Variants in MCEMP1 observed in about 807,000 individuals in gnomAD.
The protein encoded by MCEMP1 is mast cell-expressed membrane protein 1.
In MCEMP1, 17 loss-of-function variants were observed where a neutral mutation model predicts 27.9. The observed-to-expected ratio is 0.61, with a 90% CI of 0.42 to 0.91. The LOEUF is 0.91. Ranked by LOEUF, MCEMP1 falls within the 40% of genes least tolerant of loss-of-function variation. The pLI is 0.00. For synonymous variants in MCEMP1, 88 were observed against 76.9 expected (o/e 1.14, Z -0.76); for missense variants, 200 against 204.8 (o/e 0.98, Z 0.14).
Position 7,679,451 on chromosome 19 carries a change from G to A in MCEMP1, c.*337G>A. ...GAGTCACAGTGAATGTGGCATGCAT[G>A]CCTGTGTCATGTGACATATGTGAGT... On this transcript the variant is annotated 3_prime_UTR_variant, in exon 7 of 7. Transcript: ENST00000333598. The surrounding 1 kb of genome is among the most constrained non-coding windows in gnomAD (Gnocchi z 4.9). 2.9e-6 allele frequency: 1 copy of A among 343,590 alleles called. No individual in the cohort carries two copies. The highest frequency in any genetic ancestry group is 5.3e-6 in the Non-Finnish European group (1 of 188,598). 21.3% of individuals were successfully genotyped at this position (343,590 alleles called of 1,614,324 possible).
chr19:7,677,628 C>G lies in MCEMP1; in HGVS notation c.56-9C>G. ...ACAGAGCTCTGAGCAGATCTCCAACCCCTCCCAGGTGCCCATGACCCAGAC... is the reference window on the plus strand; with the variant it reads ...ACAGAGCTCTGAGCAGATCTCCAACGCCTCCCAGGTGCCCATGACCCAGAC... On this transcript the variant is annotated splice_polypyrimidine_tract_variant and intron_variant, in intron 1 of 6. Coordinates refer to ENST00000333598, the MANE Select transcript of MCEMP1 (RefSeq NM_174918.3). This position sits in a 1 kb window ranked among gnomAD's most constrained non-coding sequence, Gnocchi z 4.6. The G allele has an allele frequency of 6.2e-7, 1 of 1,610,664 alleles. No homozygotes were observed. The highest frequency in any genetic ancestry group is 1.1e-5 in the South Asian group (1 of 91,008).
Position 7,677,231 on chromosome 19 carries a change from G to C in MCEMP1, c.55+56G>C. 6.8e-7 allele frequency: 1 copy of C among 1,475,986 alleles called. No individual in the cohort carries two copies. The highest frequency in any genetic ancestry group is 1.2e-5 in the South Asian group (1 of 82,384). 91.4% of individuals were successfully genotyped at this position (1,475,986 alleles called of 1,614,324 possible). On this transcript the variant is annotated intron_variant, in intron 1 of 6. Transcript: ENST00000333598. The surrounding 1 kb of genome is among the most constrained non-coding windows in gnomAD (Gnocchi z 4.6). Reference sequence around the variant, plus strand: ...TAAGAAGGAGAGATTGGGGGGCCGGGGGCTTTTGCTCATGTCTGTAATCCT... The same window carrying C: ...TAAGAAGGAGAGATTGGGGGGCCGGCGGCTTTTGCTCATGTCTGTAATCCT...
At position 7,677,653 on chromosome 19, in the gene MCEMP1, C is replaced by A; in HGVS notation, c.72C>A (p.Asp24Glu). Residue 24 changes from aspartate (D) to glutamate (E), a missense_variant, in exon 2 of 7, where the codon GAC becomes GAA. Asp to Glu is a conservative substitution (Grantham distance 45). Coordinates refer to ENST00000333598, the MANE Select transcript of MCEMP1 (RefSeq NM_174918.3). This position sits in a 1 kb window ranked among gnomAD's most constrained non-coding sequence, Gnocchi z 4.6. The part of the protein sequence containing the change: ...SAKNQGAHDP[D>E]YENITLAFKN... ...CCCTCCCAGGTGCCCATGACCCAGACTATGAGAATATCACCTTGGCCTTCA... is the reference window on the plus strand; with the variant it reads ...CCCTCCCAGGTGCCCATGACCCAGAATATGAGAATATCACCTTGGCCTTCA... 1 of 1,614,060 alleles carries A rather than the reference C, an allele frequency of 6.2e-7. No individual in the cohort carries two copies. Among genetic ancestry groups the A allele is most frequent in the Non-Finnish European group, 8.5e-7 (1 of 1,179,902 alleles).
In MCEMP1 at chr19:7,678,941, A is replaced by G; in HGVS notation, c.466A>G (p.Thr156Ala). 5.1e-6 allele frequency: 8 copies of G among 1,578,546 alleles called. No individual in the cohort carries two copies. The highest frequency in any genetic ancestry group is 6.9e-6 in the Non-Finnish European group (8 of 1,160,590). The change falls in exon 6 of 7, where the codon ACA (threonine) becomes GCA (alanine). Residue 156 changes from threonine to alanine, a missense_variant. Transcript: ENST00000333598. The surrounding 1 kb of genome is among the most constrained non-coding windows in gnomAD (Gnocchi z 4.8). ...TTLAGIKNID[T>A]KVQKILEVLQ... is the part of the protein sequence containing the mutation. ...CCCCCTAGGCATAAAAAACATTGAC[A>G]CAAAGGTACAGAAAATCTTGGAGGT...
chr19:7,677,091 G>C lies in MCEMP1; in HGVS notation c.-30G>C. 1 of 1,596,958 alleles carries C rather than the reference G, an allele frequency of 6.3e-7. No homozygotes were observed. The highest frequency in any genetic ancestry group is 1.1e-5 in the South Asian group (1 of 88,512). On this transcript the variant is annotated 5_prime_UTR_variant, in exon 1 of 7. Transcript: ENST00000333598. This position sits in a 1 kb window ranked among gnomAD's most constrained non-coding sequence, Gnocchi z 4.6. ...TTGCGGGCTGGGGACCATGGAAGTG[G>C]AGGAAATCTACAAGCACCAGGAAGT...
chr19:7,677,600 A>T lies in MCEMP1; in HGVS notation c.56-37A>T, dbSNP rs778669033. ...ACAAGATCCCGGATCCACTCTCCACACCACAGAGCTCTGAGCAGATCTCCA... is the reference window on the plus strand; with the variant it reads ...ACAAGATCCCGGATCCACTCTCCACTCCACAGAGCTCTGAGCAGATCTCCA... On this transcript the variant is annotated intron_variant, in intron 1 of 6. Transcript: ENST00000333598. This position sits in a 1 kb window ranked among gnomAD's most constrained non-coding sequence, Gnocchi z 4.6. The T allele has an allele frequency of 6.4e-7, 1 of 1,559,034 alleles. No homozygotes were observed. Among genetic ancestry groups the T allele is most frequent in the Non-Finnish European group, 8.8e-7 (1 of 1,129,986 alleles).
rs368773876 is a variant in MCEMP1, at chr19:7,678,408, G to C, written c.334+8G>C. Reference sequence around the variant, plus strand: ...AAAGGGAGCTTTGGAATGGTGAGCGGAGGGTCTGAGGGAGACCCGTGGGGT... The same window carrying C: ...AAAGGGAGCTTTGGAATGGTGAGCGCAGGGTCTGAGGGAGACCCGTGGGGT... On this transcript the variant is annotated splice_region_variant and intron_variant, in intron 4 of 6. Coordinates refer to ENST00000333598, the MANE Select transcript of MCEMP1 (RefSeq NM_174918.3). This position sits in a 1 kb window ranked among gnomAD's most constrained non-coding sequence, Gnocchi z 4.8. The C allele has an allele frequency of 9.3e-6, 15 of 1,613,988 alleles. No individual in the cohort carries two copies. Among genetic ancestry groups the C allele is most frequent in the Non-Finnish European group, 1.2e-5 (14 of 1,180,024 alleles).
chr19:7,677,487 C>A lies in MCEMP1; in HGVS notation c.56-150C>A, dbSNP rs1329113347. On this transcript the variant is annotated intron_variant, in intron 1 of 6. Coordinates refer to ENST00000333598, the MANE Select transcript of MCEMP1 (RefSeq NM_174918.3). This position sits in a 1 kb window ranked among gnomAD's most constrained non-coding sequence, Gnocchi z 4.6. ...GTGATCACTCAAACTCTCACACACC[C>A]GCTCCACTTAACCAAAAAGCAGATT... 6.6e-6 allele frequency: 5 copies of A among 761,750 alleles called. No homozygotes were observed. Among genetic ancestry groups the A allele is most frequent in the East Asian group, 2.6e-5 (1 of 37,852 alleles). The allele number at this position is 761,750 out of a possible 1,614,324, so 47.2% of individuals were successfully genotyped here. A position where few individuals can be genotyped will look rare whatever the true frequency, so the allele number is the denominator to read the frequency against.
At position 7,678,832 on chromosome 19, in the gene MCEMP1, G is replaced by C; in HGVS notation, c.449-92G>C. The C allele has an allele frequency of 7.7e-7, 1 of 1,292,146 alleles. No homozygotes were observed. The highest frequency in any genetic ancestry group is 1.1e-6 in the Non-Finnish European group (1 of 931,280). The allele number at this position is 1,292,146 out of a possible 1,614,324, so 80.0% of individuals were successfully genotyped here. ...TGTACCCCAGGGTGGGTGTGGGGCA[G>C]GGGGGGTGCTTCCAAGGAAGGTGGG... On this transcript the variant is annotated intron_variant, in intron 5 of 6. Coordinates refer to ENST00000333598, the MANE Select transcript of MCEMP1 (RefSeq NM_174918.3). The surrounding 1 kb of genome is among the most constrained non-coding windows in gnomAD (Gnocchi z 4.8).
chr19:7,679,013 G>A lies in MCEMP1; in HGVS notation c.508+30G>A. On this transcript the variant is annotated intron_variant, in intron 6 of 6. Transcript: ENST00000333598. This position sits in a 1 kb window ranked among gnomAD's most constrained non-coding sequence, Gnocchi z 4.9. ...GTTGGCGCCCCGACAGGAGGTGGAG[G>A]AGGGTGGGTGGGGCTTCAGATTTAG... The A allele has an allele frequency of 1.2e-6, 2 of 1,600,054 alleles. No individual in the cohort carries two copies. Among genetic ancestry groups the A allele is most frequent in the Non-Finnish European group, 1.7e-6 (2 of 1,172,230 alleles).
chr19:7,677,890 G>A lies in MCEMP1; in HGVS notation c.145+164G>A, dbSNP rs2032570912. 4 of 1,019,988 alleles carry A rather than the reference G, an allele frequency of 3.9e-6. No homozygotes were observed. The Admixed American group carries it at 9.4e-5, about 24-fold the overall frequency. The allele number at this position is 1,019,988 out of a possible 1,614,324, so 63.2% of individuals were successfully genotyped here. ...AGGTCTGTTGATGATGACAATGTTG[G>A]GGAATGCTGGAGAGGGGGTCTGTGA... On this transcript the variant is annotated intron_variant, in intron 2 of 6. Coordinates refer to ENST00000333598, the MANE Select transcript of MCEMP1 (RefSeq NM_174918.3). This position sits in a 1 kb window ranked among gnomAD's most constrained non-coding sequence, Gnocchi z 4.6.
Position 7,677,881 on chromosome 19 carries a change from A to G in MCEMP1, c.145+155A>G, listed in dbSNP as rs79603624. Reference sequence around the variant, plus strand: ...GTGCTAATGAGGTCTGTTGATGATGACAATGTTGGGGAATGCTGGAGAGGG... The same window carrying G: ...GTGCTAATGAGGTCTGTTGATGATGGCAATGTTGGGGAATGCTGGAGAGGG... On this transcript the variant is annotated intron_variant, in intron 2 of 6. Coordinates refer to ENST00000333598, the MANE Select transcript of MCEMP1 (RefSeq NM_174918.3). This position sits in a 1 kb window ranked among gnomAD's most constrained non-coding sequence, Gnocchi z 4.6. The G allele has an allele frequency of 5.5e-3, 5,654 of 1,023,716 alleles. 20 individuals are homozygous for G. The highest frequency in any genetic ancestry group is 6.6e-3 in the Non-Finnish European group (4,519 of 688,492). The allele number at this position is 1,023,716 out of a possible 1,614,324, so 63.4% of individuals were successfully genotyped here.
rs941510067 is a variant in MCEMP1, at chr19:7,679,199, C to A, written c.*85C>A. 62 of 1,361,422 alleles carry A rather than the reference C, an allele frequency of 4.6e-5. 1 individual carries two copies. The highest frequency in any genetic ancestry group is 7.3e-5 in the Admixed American group (3 of 40,934). 84.3% of individuals were successfully genotyped at this position (1,361,422 alleles called of 1,614,324 possible). ...CGAAGACGGGAAATGACCCCCCCCC[C>A]CCAGCCTAGTGTGAACCTGCCCCTC... On this transcript the variant is annotated 3_prime_UTR_variant, in exon 7 of 7. Transcript: ENST00000333598. The surrounding 1 kb of genome is among the most constrained non-coding windows in gnomAD (Gnocchi z 4.9).
Position 7,677,946 on chromosome 19 carries a change from T to C in MCEMP1, c.146-158T>C. 8.3e-7 allele frequency: 1 copy of C among 1,206,028 alleles called. No homozygotes were observed. The highest frequency in any genetic ancestry group is 2.3e-5 in the East Asian group (1 of 42,600). The allele number at this position is 1,206,028 out of a possible 1,614,324, so 74.7% of individuals were successfully genotyped here. On this transcript the variant is annotated intron_variant, in intron 2 of 6. Coordinates refer to ENST00000333598, the MANE Select transcript of MCEMP1 (RefSeq NM_174918.3). The surrounding 1 kb of genome is among the most constrained non-coding windows in gnomAD (Gnocchi z 4.6). The stretch of plus-strand genomic sequence containing the variant: ...ACGGTGTTAGATCGCTGAGGGTGGC[T>C]GGTGGTGGCAGTGTTGTTGACGATG...
chr19:7,678,801 C>A lies in MCEMP1; in HGVS notation c.449-123C>A. On this transcript the variant is annotated intron_variant, in intron 5 of 6. Transcript: ENST00000333598. This position sits in a 1 kb window ranked among gnomAD's most constrained non-coding sequence, Gnocchi z 4.8. ...CTCCTGGGAACCCCAAATCCATGGG[C>A]TCTGCTGTACCCCAGGGTGGGTGTG... The A allele has an allele frequency of 8.6e-7, 1 of 1,160,002 alleles. No homozygotes were observed. Among genetic ancestry groups the A allele is most frequent in the Non-Finnish European group, 1.2e-6 (1 of 815,694 alleles). 71.9% of individuals were successfully genotyped at this position (1,160,002 alleles called of 1,614,324 possible).
rs565627471 is a variant in MCEMP1 at position 7,679,312 on chromosome 19, G to A, written c.*198G>A. ...TGTACACCTGCGTGCGTGTGTGTGC[G>A]TGTGTGCGCGTGTGTTCGTGTATGT... On this transcript the variant is annotated 3_prime_UTR_variant, in exon 7 of 7. Transcript: ENST00000333598. The surrounding 1 kb of genome is among the most constrained non-coding windows in gnomAD (Gnocchi z 4.9). 29 of 645,676 alleles carry A rather than the reference G, an allele frequency of 4.5e-5. No individual in the cohort carries two copies. The highest frequency in any genetic ancestry group is 6.9e-5 in the Non-Finnish European group (26 of 376,462). The allele number at this position is 645,676 out of a possible 1,614,324, so 40.0% of individuals were successfully genotyped here.
At position 7,678,305 on chromosome 19, in the gene MCEMP1, T is replaced by G; in HGVS notation, c.284-45T>G. The stretch of plus-strand genomic sequence containing the variant: ...ACTTTCTCCCTTGTCCTTCTCTCTC[T>G]CTCTCCCTGGGTGCTTCAAGGATTT... On this transcript the variant is annotated intron_variant, in intron 3 of 6. Coordinates refer to ENST00000333598, the MANE Select transcript of MCEMP1 (RefSeq NM_174918.3). The surrounding 1 kb of genome is among the most constrained non-coding windows in gnomAD (Gnocchi z 4.8). 5 of 1,614,042 alleles carry G rather than the reference T, an allele frequency of 3.1e-6. No homozygotes were observed. Among genetic ancestry groups the G allele is most frequent in the Non-Finnish European group, 4.2e-6 (5 of 1,180,000 alleles).
In MCEMP1 at chr19:7,679,261, G is replaced by A; in HGVS notation, c.*147G>A. 1 of 975,584 alleles carries A rather than the reference G, an allele frequency of 1.0e-6. No individual in the cohort carries two copies. Among genetic ancestry groups the A allele is most frequent in the South Asian group, 1.7e-5 (1 of 57,824 alleles). 60.4% of individuals were successfully genotyped at this position (975,584 alleles called of 1,614,324 possible). On this transcript the variant is annotated 3_prime_UTR_variant, in exon 7 of 7. Transcript: ENST00000333598. The surrounding 1 kb of genome is among the most constrained non-coding windows in gnomAD (Gnocchi z 4.9). The stretch of plus-strand genomic sequence containing the variant: ...AGAAAAACCTCGAGTCATGGTGAAT[G>A]AGTGTCTCGGAGTTGCTCGTGTGTG...
chr19:7,679,196 C>CAA lies in MCEMP1; in HGVS notation c.*82_*83insAA. ...CAACGAAGACGGGAAATGACCCCCC[C>CAA]CCCCCAGCCTAGTGTGAACCTGCCC... On this transcript the variant is annotated 3_prime_UTR_variant, in exon 7 of 7. Transcript: ENST00000333598. This position sits in a 1 kb window ranked among gnomAD's most constrained non-coding sequence, Gnocchi z 4.9. 1 of 1,424,674 alleles carries CAA rather than the reference C, an allele frequency of 7.0e-7. No individual in the cohort carries two copies. Among genetic ancestry groups the CAA allele is most frequent in the African/African-American group, 1.4e-5 (1 of 69,692 alleles). 88.3% of individuals were successfully genotyped at this position (1,424,674 alleles called of 1,614,324 possible).
Sources: gnomAD v4.1 joint callset for allele counts on GRCh38, gnomAD v4.1.1 for gene constraint, Gnocchi (gnomAD v3.1) non-coding constraint, MANE v1.5 for transcripts, NCBI Gene and HGNC (gene_info 2026-07-23, HGNC 2026-07-21) for gene names.